Variants in DAPK1 observed in about 807,000 individuals in gnomAD.
DAPK1 encodes death-associated protein kinase 1.
DAPK1 carries 56 observed loss-of-function variants against 144.9 expected under a neutral mutation model. That is an observed-to-expected ratio of 0.39 (90% CI 0.31 to 0.48). The LOEUF is 0.48. DAPK1 is among the 20% of genes least tolerant of loss of function. The pLI is 0.95. For synonymous variants in DAPK1, 690 were observed against 749.0 expected (o/e 0.92, Z 1.29); for missense variants, 1,454 against 1,875.4 (o/e 0.78, Z 4.15).
intron 2 of DAPK1, among the ~76,000 whole-genome samples, chr9:87,537,684 G>A (rs560254525): frequency 3.3e-5 from 5 of 152,198 alleles, no homozygotes; most frequent in Admixed American, 1.3e-4. Context: ...AGGAGCATTC[G>A]AGAATGCCAG....
intron 2 of DAPK1, among the ~76,000 whole-genome samples, chr9:87,569,305 T>G (rs2118729078): frequency 6.6e-6 from 1 of 152,320 alleles, no homozygotes. Context: ...AGGAGCTCTT[T>G]AAAATGCAGG....
chr9:87,550,455 C>T (rs764590493), intron 2 of DAPK1, among the ~76,000 whole-genome samples: 2 of 152,256 alleles, frequency 1.3e-5, no homozygotes, highest in Admixed American at 1.3e-4. Context: ...CCAGGCTTCT[C>T]TGCTAGCTCC....
chr9:87,540,092 TGAGA>T (rs368888416), intron 2 of DAPK1, among the ~76,000 whole-genome samples: 5 of 151,398 alleles, frequency 3.3e-5, no homozygotes, highest in East Asian at 1.9e-4. Context: ...GAAGATATTT[TGAGA>T]GAGAGAGAGA....
In DAPK1 at chr9:87,707,374, C is replaced by T. The variant is rs777887182; in HGVS notation, c.*10C>T. 1.1e-5 allele frequency: 17 copies of T among 1,575,770 alleles called. No homozygotes were observed. The highest frequency in any genetic ancestry group is 1.4e-5 in the Non-Finnish European group (16 of 1,155,410). ...TGTTGTATCCCGGTGAGGGCAGCCT[C>T]TGGCTTGGGCAGGGTCTGTTTGGAC... On this transcript the variant is annotated 3_prime_UTR_variant, in exon 26 of 26. Coordinates refer to ENST00000408954, the MANE Select transcript of DAPK1 (RefSeq NM_004938.4). This position sits in a 1 kb window ranked among gnomAD's most constrained non-coding sequence, Gnocchi z 4.0.
intron 2 of DAPK1, among the ~76,000 whole-genome samples, chr9:87,530,613 C>G (rs757744256): frequency 1.3e-5 from 2 of 152,128 alleles, no homozygotes; most frequent in Non-Finnish European, 2.9e-5. Flanking sequence ...TAATTTCTTT[C>G]TGTTTGAAGA....
Position 87,668,633 on chromosome 9 carries a change from C to A in DAPK1, c.1960C>A (p.Gln654Lys). ...GGCAGAAGATCTTGCTAGATCGGAA[C>A]AGCACGAGCACGTAGCAGGTCTCCT... The part of the protein sequence containing the change: ...KTAEDLARSE[Q>K]HEHVAGLLAR... The change falls in exon 19 of 26, where the codon CAG becomes AAG. Residue 654 changes from glutamine (Q) to lysine (K), a missense_variant. Around this residue, in one of 2 missense-constraint regions of DAPK1, gnomAD observed 1,025 missense variants for 1,237.9 expected, o/e 0.83. Coordinates refer to ENST00000408954, the MANE Select transcript of DAPK1 (RefSeq NM_004938.4). The A allele has an allele frequency of 6.7e-7, 1 of 1,484,140 alleles. No homozygotes were observed. The allele number at this position is 1,484,140 out of a possible 1,614,324, so 91.9% of individuals were successfully genotyped here.
intron 18 of DAPK1, chr9:87,667,825 C>G (rs1831110842): frequency 6.6e-6 from 1 of 152,006 alleles, no homozygotes; most frequent in South Asian, 2.1e-4. Flanking sequence ...CCCTTTTCTC[C>G]CCAGTGGCAG....
intron 20 of DAPK1, among the ~76,000 whole-genome samples, chr9:87,682,978 T>C (rs1363317749): frequency 6.6e-6 from 1 of 152,082 alleles, no homozygotes; most frequent in Non-Finnish European, 1.5e-5. Context: ...AGTTAAATGT[T>C]ATTACAAAAG....
intron 2 of DAPK1, among the ~76,000 whole-genome samples, chr9:87,568,004 G>A (rs1229537101): frequency 6.6e-6 from 1 of 152,244 alleles, no homozygotes; most frequent in African/African-American, 2.4e-5. Context: ...ACGGTCCAAG[G>A]TCTCATGGCT....
At chr9:87,664,477 G>A (rs1280552052) in intron 18 of DAPK1, among the ~76,000 whole-genome samples, 19 of 152,296 alleles carry the variant, frequency 1.2e-4, no homozygotes, top group African/African-American at 1.9e-4. Context: ...GGAAGACTCC[G>A]TGGCACCCAC....
chr9:87,557,449 T>G (rs1462137090), intron 2 of DAPK1, among the ~76,000 whole-genome samples: 1 of 152,232 alleles, frequency 6.6e-6, no homozygotes, highest in East Asian at 1.9e-4. Flanking sequence ...AAACATCTTT[T>G]GTGAGCTCTA....
At chr9:87,581,279 A>T (rs958885248) in intron 2 of DAPK1, among the ~76,000 whole-genome samples, 1 of 152,160 alleles carries the variant, frequency 6.6e-6, no homozygotes, top group South Asian at 2.1e-4. Flanking sequence ...GAGGGGAGGA[A>T]CAAGGACTAG....
intron 21 of DAPK1, among the ~76,000 whole-genome samples, chr9:87,687,551 C>T (rs1379426374): frequency 6.6e-6 from 1 of 152,166 alleles, no homozygotes; most frequent in Admixed American, 6.5e-5. Context: ...TTGATGGACA[C>T]TTAGGTCAAT....
intron 19 of DAPK1, among the ~76,000 whole-genome samples, chr9:87,676,701 G>A (rs1040143179): frequency 3.9e-5 from 6 of 152,240 alleles, no homozygotes; most frequent in African/African-American, 1.4e-4. Context: ...GCTCCTGGTG[G>A]AGGGGAAGGG....
intron 2 of DAPK1, among the ~76,000 whole-genome samples, chr9:87,585,199 A>G (rs1342159622): frequency 6.6e-6 from 1 of 151,976 alleles, no homozygotes; most frequent in South Asian, 2.1e-4. Flanking sequence ...ATGTAATTCC[A>G]TTTGTCTATT....
intron 2 of DAPK1, among the ~76,000 whole-genome samples, chr9:87,546,054 C>T (rs1267006939): frequency 6.6e-6 from 1 of 152,142 alleles, no homozygotes; most frequent in Non-Finnish European, 1.5e-5. Flanking sequence ...TAGAGTCCAG[C>T]CAGCTCCTTG....
intron 2 of DAPK1, among the ~76,000 whole-genome samples, chr9:87,576,338 G>C (rs1484189330): frequency 6.6e-6 from 1 of 152,206 alleles, no homozygotes; most frequent in Non-Finnish European, 1.5e-5. Context: ...AAGCGCAGTG[G>C]ACTCCTATAT....
chr9:87,667,966 C>G (rs1466818896), intron 18 of DAPK1: 1 of 153,030 alleles, frequency 6.5e-6, no homozygotes. Context: ...CGTGTATGTT[C>G]ATGGTGTAGA....
intron 9 of DAPK1, among the ~76,000 whole-genome samples, chr9:87,641,577 A>G (rs932728249): frequency 1.3e-5 from 2 of 152,116 alleles, no homozygotes; most frequent in African/African-American, 4.8e-5. Flanking sequence ...AATACAAGGA[A>G]TTCTCCTGCT....
Sources: gnomAD v4.1 joint callset for allele counts (sites outside exome capture counted in the v4.1 genomes callset) on GRCh38, gnomAD v4.1.1 for gene constraint, gnomAD v4.1.1 regional missense constraint, Gnocchi (gnomAD v3.1) non-coding constraint, MANE v1.5 for transcripts, NCBI Gene and HGNC (gene_info 2026-07-23, HGNC 2026-07-21) for gene names.